Variants in STRBP observed in about 807,000 individuals in gnomAD.
STRBP encodes the protein spermatid perinuclear RNA binding protein, also known as spermatid perinuclear RNA-binding protein.
A neutral mutation model predicts 80.1 loss-of-function variants in STRBP; 13 were observed. That is an observed-to-expected ratio of 0.16 (90% CI 0.11 to 0.26). The LOEUF (loss-of-function observed/expected upper bound fraction) is 0.26, where lower values mean the gene tolerates loss of function less well. Among genes scored for constraint, STRBP ranks in the 10% least tolerant of loss-of-function variants. The probability of loss-of-function intolerance (pLI) is 1.00; values close to 1 mark genes in which losing one functional copy is unlikely to be tolerated. For missense variants in STRBP, 485 were observed against 815.2 expected (o/e 0.59, Z 4.93); for synonymous variants, 284 against 291.2 (o/e 0.98, Z 0.25).
chr9:123,191,318 G>A (rs1588074967), intron 2 of STRBP, among the ~76,000 whole-genome samples: 1 of 152,242 alleles, frequency 6.6e-6, no homozygotes, highest in Middle Eastern at 3.4e-3. Flanking sequence ...TCTGGCAGGG[G>A]AGTTAAAGCA....
At chr9:123,148,010 T>A in intron 11 of STRBP, 140 bp from the exon 12 acceptor site, 2 of 671,652 alleles carry the variant, frequency 3.0e-6, no homozygotes, top group Non-Finnish European at 4.6e-6. Flanking sequence ...TCAGTTAAAT[T>A]ACCATTATTT....
At chr9:123,228,621 G>A (rs1381280081) in intron 2 of STRBP, among the ~76,000 whole-genome samples, 3 of 152,164 alleles carry the variant, frequency 2.0e-5, no homozygotes, top group Non-Finnish European at 4.4e-5. Context: ...GCACTTTGAT[G>A]TTACTAATGA....
chr9:123,264,254 C>T (rs1030770100), intron 1 of STRBP, among the ~76,000 whole-genome samples: 3 of 152,242 alleles, frequency 2.0e-5, no homozygotes, highest in South Asian at 4.1e-4. Flanking sequence ...TAGAAACAAT[C>T]TTGGGCTATA....
chr9:123,138,970 T>G (rs1020259642), intron 14 of STRBP, among the ~76,000 whole-genome samples: 1 of 152,222 alleles, frequency 6.6e-6, no homozygotes, highest in Non-Finnish European at 1.5e-5. Flanking sequence ...GTACTGTGTA[T>G]ACTCAGTACT....
chr9:123,150,367 T>C (rs1368793298), intron 11 of STRBP, among the ~76,000 whole-genome samples: 1 of 151,898 alleles, frequency 6.6e-6, no homozygotes, highest in East Asian at 1.9e-4. Context: ...AAACAAACAA[T>C]AAGTATCTGT....
intron 13 of STRBP, among the ~76,000 whole-genome samples, chr9:123,145,421 T>G (rs995760292): frequency 2.0e-5 from 3 of 152,126 alleles, no homozygotes; most frequent in Non-Finnish European, 2.9e-5. Flanking sequence ...TCTCCCAAAT[T>G]TTACTGAATT....
intron 16 of STRBP, among the ~76,000 whole-genome samples, chr9:123,135,413 T>C (rs2132319384): frequency 6.6e-6 from 1 of 152,326 alleles, no homozygotes; most frequent in East Asian, 1.9e-4. Context: ...GCATATGATG[T>C]ATGACTAGAA....
chr9:123,160,260 G>T, intron 8 of STRBP, 107 bp downstream of exon 8: 2 of 632,262 alleles, frequency 3.2e-6, no homozygotes, highest in Non-Finnish European at 5.0e-6. Context: ...CATAATGCAT[G>T]CCTTAGCTAA....
intron 1 of STRBP, among the ~76,000 whole-genome samples, chr9:123,260,166 C>T (rs2041129517): frequency 6.6e-6 from 1 of 152,046 alleles, no homozygotes. Context: ...TGGAATGAGC[C>T]AGTAGACAGG....
At chr9:123,252,067 AG>A (rs1049644892) in intron 1 of STRBP, among the ~76,000 whole-genome samples, 1 of 152,052 alleles carries the variant, frequency 6.6e-6, no homozygotes, top group Non-Finnish European at 1.5e-5. Context: ...TACCCAATGA[AG>A]GTATTTGCCA....
chr9:123,243,265 C>CAAAAAAAAAAAAAAA (rs1160280485), intron 1 of STRBP, among the ~76,000 whole-genome samples: 3 of 78,932 alleles, frequency 3.8e-5, no homozygotes, highest in Non-Finnish European at 8.6e-5. Context: ...ATCAATAAGA[C>CAAAAAAAAAAAAAAA]AAAAAAAAAA....
At chr9:123,140,015 G>A (rs2036522527) in intron 13 of STRBP, among the ~76,000 whole-genome samples, 1 of 152,170 alleles carries the variant, frequency 6.6e-6, no homozygotes, top group African/African-American at 2.4e-5. Flanking sequence ...AAACCAATAG[G>A]ATAAGGACAG....
chr9:123,230,111 G>A (rs1588134641), intron 2 of STRBP, among the ~76,000 whole-genome samples: 3 of 152,168 alleles, frequency 2.0e-5, no homozygotes, highest in Non-Finnish European at 4.4e-5. Flanking sequence ...AGTGAGGAAG[G>A]GAATGTGAAC....
intron 2 of STRBP, among the ~76,000 whole-genome samples, chr9:123,191,401 G>A (rs753793348): frequency 6.6e-6 from 1 of 152,092 alleles, no homozygotes; most frequent in Non-Finnish European, 1.5e-5. Flanking sequence ...GCAGTGAGGT[G>A]GGGGAGAGAG....
chr9:123,195,628 A>G (rs1387205808), intron 2 of STRBP, among the ~76,000 whole-genome samples: 1 of 152,176 alleles, frequency 6.6e-6, no homozygotes, highest in Non-Finnish European at 1.5e-5. Context: ...ACCTAGGACT[A>G]AACGTAGCCA....
At position 123,115,932 on chromosome 9, in the gene STRBP, G is replaced by C; in HGVS notation, c.*81C>G. ...AAATATAATCCCTTAAAAATACCTG[G>C]CAGGAGTGCCCACGTTCTCTCCAGG... On this transcript the variant is annotated 3_prime_UTR_variant and NMD_transcript_variant, in exon 3 of 4. Coordinates refer to the STRBP transcript ENST00000471564. The surrounding 1 kb of genome is among the most constrained non-coding windows in gnomAD (Gnocchi z 5.0). 2.3e-6 allele frequency: 1 copy of C among 444,006 alleles called. No homozygotes were observed. Among genetic ancestry groups the C allele is most frequent in the South Asian group, 1.6e-5 (1 of 63,100 alleles). The allele number at this position is 444,006 out of a possible 1,614,324, so 27.5% of individuals were successfully genotyped here. A position where few individuals can be genotyped will look rare whatever the true frequency, so the allele number is the denominator to read the frequency against.
At chr9:123,151,820 T>G (rs2037068557) in intron 11 of STRBP, among the ~76,000 whole-genome samples, 1 of 151,908 alleles carries the variant, frequency 6.6e-6, no homozygotes, top group African/African-American at 2.4e-5. Flanking sequence ...GAAGGAAAAC[T>G]ACAGAAAAGA....
chr9:123,119,572 T>G (rs930308419), downstream of STRBP, among the ~76,000 whole-genome samples: 15 of 151,816 alleles, frequency 9.9e-5, no homozygotes, highest in African/African-American at 3.6e-4. Flanking sequence ...AGGAGTCTTC[T>G]CCCAAAGCCT....
chr9:123,168,647 T>C (rs927478178), intron 6 of STRBP, among the ~76,000 whole-genome samples: 2 of 152,156 alleles, frequency 1.3e-5, no homozygotes, highest in Admixed American at 6.5e-5. Flanking sequence ...ATGGGACTTG[T>C]TGAAAGTCTG....
Sources: allele counts gnomAD v4.1 joint callset (sites outside exome capture counted in the v4.1 genomes callset), GRCh38; gene constraint gnomAD v4.1.1; non-coding constraint Gnocchi (gnomAD v3.1); transcripts MANE v1.5; gene names NCBI Gene and HGNC (gene_info 2026-07-23, HGNC 2026-07-21).